The following KIAA1217 variants were observed in gnomAD, a reference collection of about 807,000 sequenced individuals.
KIAA1217 encodes the protein sickle tail protein homolog.
A neutral mutation model predicts 163.9 loss-of-function variants in KIAA1217; 88 were observed. The observed-to-expected ratio is 0.54, with a 90% CI of 0.45 to 0.64. KIAA1217 has a LOEUF of 0.64. KIAA1217 is among the 30% of genes least tolerant of loss of function. KIAA1217 has a pLI of 0.00. For missense variants in KIAA1217, 2,372 were observed against 2,475.0 expected (o/e 0.96, Z 0.88); for synonymous variants, 903 against 923.1 (o/e 0.98, Z 0.39).
At chr10:24,142,554 C>T (rs140224900) in intron 2 of KIAA1217, among the ~76,000 whole-genome samples, 63 of 152,142 alleles carry the variant, frequency 4.1e-4, no homozygotes, top group African/African-American at 1.4e-3. Flanking sequence ...TTCACCACTA[C>T]GCAATACATC....
intron 1 of KIAA1217, among the ~76,000 whole-genome samples, chr10:23,986,910 C>A (rs751129120): frequency 6.6e-6 from 1 of 152,098 alleles, no homozygotes; most frequent in Admixed American, 6.5e-5. Context: ...ATGAATACAA[C>A]GGTTAGCAAA....
In KIAA1217 at chr10:23,848,592, G is replaced by T. The variant is rs145814126; in HGVS notation, c.-321+153358G>T. 1.5e-3 allele frequency among the ~76,000 whole-genome samples: 222 copies of T among 151,990 alleles called. 1 individual carries two copies. Among genetic ancestry groups the T allele is most frequent in the Admixed American group, 9.7e-3 (148 of 15,240 alleles). On this transcript the variant is annotated intron_variant, in intron 1 of 18. Transcript: ENST00000376462. ...CACACACTATCTGGCCCAAATCATG[G>T]GTCTCTTCTGGCATTTTATATTTTT...
intron 2 of KIAA1217, chr10:24,255,257 G>C: frequency 3.6e-6 from 1 of 275,522 alleles, no homozygotes; most frequent in Non-Finnish European, 7.2e-6. Flanking sequence ...GTCCACATCC[G>C]GATTTACCTA....
intron 2 of KIAA1217, among the ~76,000 whole-genome samples, chr10:24,148,844 T>C (rs1183258125): frequency 6.6e-6 from 1 of 152,216 alleles, no homozygotes; most frequent in East Asian, 1.9e-4. Flanking sequence ...GAAAGATAGA[T>C]ATATGTTATT....
chr10:24,428,049 C>T (rs1191412310), intron 3 of KIAA1217, among the ~76,000 whole-genome samples: 1 of 150,116 alleles, frequency 6.7e-6, no homozygotes, highest in East Asian at 2.0e-4. Context: ...AGTTTAGGCC[C>T]ATTTTTTTTC....
intron 2 of KIAA1217, among the ~76,000 whole-genome samples, chr10:24,246,074 C>T (rs183486502): frequency 1.4e-3 from 218 of 152,222 alleles, no homozygotes; most frequent in African/African-American, 5.0e-3. Context: ...GCACGGGCTC[C>T]GTTCATCTTT....
chr10:23,921,141 T>A (rs942692586), intron 1 of KIAA1217, among the ~76,000 whole-genome samples: 3 of 152,232 alleles, frequency 2.0e-5, no homozygotes, highest in African/African-American at 7.2e-5. Context: ...ACTTTTTGTT[T>A]GTTTTAAAGT....
intron 2 of KIAA1217, among the ~76,000 whole-genome samples, chr10:24,223,771 T>A (rs1356186682): frequency 6.7e-6 from 1 of 148,468 alleles, no homozygotes; most frequent in Non-Finnish European, 1.5e-5. Context: ...TAGAGTGCAG[T>A]GGCATGATCA....
At position 24,011,311 on chromosome 10, in the gene KIAA1217, C is replaced by T. The variant is rs79742314; in HGVS notation, c.-171+3937C>T. ...GACTTGCCTGGACAACATAGCGAGA[C>T]CCCATCTTTACAAAAAAATTTAATA... On this transcript the variant is annotated intron_variant, in intron 2 of 18. Transcript: ENST00000376462. Among the ~76,000 whole-genome samples the T allele has an allele frequency of 2.5e-3, 384 of 152,020 alleles. 1 individual carries two copies. Among genetic ancestry groups the T allele is most frequent in the African/African-American group, 8.7e-3 (361 of 41,476 alleles).
chr10:24,168,299 G>T (rs575924488), intron 2 of KIAA1217, among the ~76,000 whole-genome samples: 3 of 152,006 alleles, frequency 2.0e-5, no homozygotes, highest in Non-Finnish European at 4.4e-5. Context: ...TTACTTATAA[G>T]GAGGGAATAT....
chr10:23,936,615 C>T (rs1164571542), intron 1 of KIAA1217, among the ~76,000 whole-genome samples: 3 of 151,934 alleles, frequency 2.0e-5, no homozygotes, highest in African/African-American at 7.3e-5. Flanking sequence ...GCCTGTAAAG[C>T]CAAAGAACAC....
chr10:24,540,696 A>C (rs1227097841), intron 17 of KIAA1217, among the ~76,000 whole-genome samples: 1 of 152,226 alleles, frequency 6.6e-6, no homozygotes, highest in Non-Finnish European at 1.5e-5. Flanking sequence ...GGGTCCTAGC[A>C]TGATATGCTG....
intron 13 of KIAA1217, among the ~76,000 whole-genome samples, chr10:24,527,014 C>G (rs528472750): frequency 6.6e-6 from 1 of 152,138 alleles, no homozygotes; most frequent in South Asian, 2.1e-4. Flanking sequence ...CCACTCTGCC[C>G]CCTTAGAATT....
chr10:23,749,564 T>C (rs1588714130), intron 1 of KIAA1217, among the ~76,000 whole-genome samples: 1 of 152,262 alleles, frequency 6.6e-6, no homozygotes, highest in Middle Eastern at 3.4e-3. Flanking sequence ...TGCACTACCA[T>C]GCCCAGCTGA....
chr10:24,499,625 G>A (rs750542809), intron 8 of KIAA1217, among the ~76,000 whole-genome samples: 2 of 152,132 alleles, frequency 1.3e-5, no homozygotes, highest in Admixed American at 1.3e-4. Context: ...CCAGCTACTC[G>A]GGAGGCTGAG....
intron 2 of KIAA1217, among the ~76,000 whole-genome samples, chr10:24,373,106 T>C (rs9633628): frequency 0.16 from 24,622 of 152,196 alleles, 2,299 homozygotes; most frequent in South Asian, 0.31. Context: ...AATTGCTTTC[T>C]GTGCAGCCTG....
At chr10:23,818,411 A>G (rs1194328885) in intron 1 of KIAA1217, among the ~76,000 whole-genome samples, 1 of 148,768 alleles carries the variant, frequency 6.7e-6, no homozygotes, top group Non-Finnish European at 1.5e-5. Flanking sequence ...GGGAAGGGCT[A>G]AAAGGGACTA....
chr10:24,442,649 T>TGTGTATGTGTGTGCAC (rs2060590822), intron 5 of KIAA1217, among the ~76,000 whole-genome samples: 1 of 152,148 alleles, frequency 6.6e-6, no homozygotes, highest in African/African-American at 2.4e-5. Flanking sequence ...ATAGGGTGTG[T>TGTGTATGTGTGTGCAC]GTGTATGTGT....
intron 2 of KIAA1217, among the ~76,000 whole-genome samples, chr10:24,047,530 C>T (rs1489281784): frequency 6.6e-6 from 1 of 152,170 alleles, no homozygotes; most frequent in Non-Finnish European, 1.5e-5. Flanking sequence ...ACAATGGGGT[C>T]TCTATTTACA....
Sources: gnomAD v4.1 joint callset for allele counts (sites outside exome capture counted in the v4.1 genomes callset) on GRCh38, gnomAD v4.1.1 for gene constraint, MANE v1.5 for transcripts, NCBI Gene and HGNC (gene_info 2026-07-23, HGNC 2026-07-21) for gene names.